The following STX2 variants were observed in gnomAD, a reference collection of about 807,000 sequenced individuals.
The protein encoded by STX2 is syntaxin-2.
A neutral mutation model predicts 40.6 loss-of-function variants in STX2; 27 were observed. The ratio of observed to expected loss-of-function variants is 0.66; its 90% CI spans 0.49 to 0.92. The LOEUF (loss-of-function observed/expected upper bound fraction) is 0.92, where lower values mean the gene tolerates loss of function less well. STX2 is among the 40% of genes least tolerant of loss of function. The pLI, the probability that STX2 is intolerant of heterozygous loss-of-function variation, is 0.00. For missense variants in STX2, 328 were observed against 366.1 expected (o/e 0.90, Z 0.85); for synonymous variants, 123 against 119.1 (o/e 1.03, Z -0.22).
intron 3 of STX2, among the ~76,000 whole-genome samples, chr12:130,819,431 AAGACTGACCAAGGAAGCGGCTGG>A (rs1447661427): frequency 6.6e-6 from 1 of 151,568 alleles, no homozygotes; most frequent in Non-Finnish European, 1.5e-5. Flanking sequence ...TTGCTTTTTA[AAGACTGACCAAGGAAGCGGCTGG>A]AGGCTGCTGC....
intron 1 of STX2, 83 bp downstream of exon 1, chr12:130,838,987 C>A: frequency 8.7e-7 from 1 of 1,155,458 alleles, no homozygotes; most frequent in African/African-American, 1.6e-5. Flanking sequence ...CCCGGAGCCC[C>A]GCCCAAGACG....
chr12:130,820,907 C>T (rs1188268669), intron 3 of STX2, among the ~76,000 whole-genome samples: 1 of 152,146 alleles, frequency 6.6e-6, no homozygotes, highest in East Asian at 1.9e-4. Flanking sequence ...GTGTGGACTC[C>T]TATTTGTAAT....
intron 9 of STX2, among the ~76,000 whole-genome samples, chr12:130,797,762 C>T (rs1453105583): frequency 6.6e-6 from 1 of 152,198 alleles, no homozygotes; most frequent in Non-Finnish European, 1.5e-5. Flanking sequence ...ACACAGGGTT[C>T]CCTGAACCCT....
chr12:130,838,056 G>A, intron 1 of STX2, among the ~76,000 whole-genome samples: 1 of 151,934 alleles, frequency 6.6e-6, no homozygotes, highest in South Asian at 2.1e-4. Flanking sequence ...AGCAGCAGAG[G>A]AGAGAGAATA....
At chr12:130,819,837 G>C (rs1412207641) in intron 3 of STX2, among the ~76,000 whole-genome samples, 2 of 151,898 alleles carry the variant, frequency 1.3e-5, no homozygotes, top group African/African-American at 4.9e-5. Context: ...GCGACGGCAC[G>C]AAGAGGTCCC....
intron 10 of STX2, among the ~76,000 whole-genome samples, chr12:130,795,596 C>T (rs1951003611): frequency 6.6e-6 from 1 of 152,004 alleles, no homozygotes. Context: ...AAAAATTAGC[C>T]GAGTGTGCTG....
chr12:130,825,364 C>CAACACT (rs1480459433), intron 2 of STX2, among the ~76,000 whole-genome samples: 1 of 152,174 alleles, frequency 6.6e-6, no homozygotes, highest in Non-Finnish European at 1.5e-5. Flanking sequence ...CTATTAAATG[C>CAACACT]AACACTTAAT....
At chr12:130,819,631 C>A (rs899281091) in intron 3 of STX2, among the ~76,000 whole-genome samples, 10 of 150,792 alleles carry the variant, frequency 6.6e-5, no homozygotes, top group Non-Finnish European at 1.3e-4. Flanking sequence ...GTAAATTATT[C>A]AAAAAAAAAT....
At chr12:130,827,780 C>T (rs548898896) in intron 1 of STX2, among the ~76,000 whole-genome samples, 2 of 152,158 alleles carry the variant, frequency 1.3e-5, no homozygotes, top group Admixed American at 1.3e-4. Flanking sequence ...GTGGCCCATG[C>T]CTGTGGTCCC....
At position 130,839,128 on chromosome 12, in the gene STX2, G is replaced by A. The variant is rs1232753224; in HGVS notation, c.-29C>T. ...CGCCGGCCGGGCAGCGCGCCCCGCC[G>A]CTCAAGCCTGTCCCGAGCTGCCTCC... On this transcript the variant is annotated 5_prime_UTR_variant, in exon 1 of 11. Coordinates refer to ENST00000392373, the MANE Select transcript of STX2 (RefSeq NM_194356.4). 5 of 1,239,820 alleles carry A rather than the reference G, an allele frequency of 4.0e-6. No individual in the cohort carries two copies. The highest frequency in any genetic ancestry group is 2.8e-5 in the South Asian group (1 of 36,360). The allele number at this position is 1,239,820 out of a possible 1,614,324, so 76.8% of individuals were successfully genotyped here.
chr12:130,812,856 T>G (rs1951712346), intron 4 of STX2, 101 bp downstream of exon 4: 2 of 819,310 alleles, frequency 2.4e-6, no homozygotes, highest in Non-Finnish European at 3.9e-6. Flanking sequence ...AGTCACTATT[T>G]TAATTTTTAA....
chr12:130,837,472 C>G (rs573963259), intron 1 of STX2, among the ~76,000 whole-genome samples: 2 of 152,140 alleles, frequency 1.3e-5, no homozygotes, highest in Non-Finnish European at 2.9e-5. Context: ...TTAGTAGAAA[C>G]GGGGTTTTGC....
At chr12:130,811,140 T>C (rs1343055714) in intron 4 of STX2, among the ~76,000 whole-genome samples, 5 of 151,986 alleles carry the variant, frequency 3.3e-5, no homozygotes, top group Non-Finnish European at 5.9e-5. Context: ...GGCGGATCAT[T>C]TGAGGTCAGG....
Position 130,812,953 on chromosome 12 carries a change from T to C in STX2, c.280+4A>G, listed in dbSNP as rs1219172810. 1.3e-6 allele frequency: 2 copies of C among 1,549,198 alleles called. No individual in the cohort carries two copies. Among genetic ancestry groups the C allele is most frequent in the East Asian group, 4.6e-5 (2 of 43,046 alleles). On this transcript the variant is annotated splice_donor_region_variant and intron_variant, in intron 4 of 10. Transcript: ENST00000392373. ...AATAATTAAACATAAAACTTCAAAC[T>C]TACCCTTTAACTTGGCTCGAATTTT... is the stretch of plus-strand genomic sequence containing the variant.
chr12:130,816,667 C>A (rs182083882), intron 3 of STX2, among the ~76,000 whole-genome samples: 1 of 151,620 alleles, frequency 6.6e-6, no homozygotes, highest in Admixed American at 6.6e-5. Flanking sequence ...TAACAAGGTG[C>A]GAAAATAAAT....
intron 1 of STX2, among the ~76,000 whole-genome samples, chr12:130,831,889 G>A (rs933523827): frequency 1.9e-4 from 16 of 85,106 alleles, no homozygotes; most frequent in African/African-American, 6.4e-4. Flanking sequence ...TTTTTTTTTG[G>A]AATCAGGGTC....
chr12:130,819,508 A>G (rs1261811823), intron 3 of STX2, among the ~76,000 whole-genome samples: 1 of 152,240 alleles, frequency 6.6e-6, no homozygotes, highest in Non-Finnish European at 1.5e-5. Flanking sequence ...AACACAAAAA[A>G]GCAATGGTTT....
chr12:130,793,144 A>G (rs1372509073), intron 10 of STX2, among the ~76,000 whole-genome samples: 4 of 152,174 alleles, frequency 2.6e-5, no homozygotes, highest in Admixed American at 6.5e-5. Flanking sequence ...TCAGTTATAC[A>G]GGGTTATCAA....
chr12:130,808,350 T>TC (rs1951520339), intron 5 of STX2, among the ~76,000 whole-genome samples: 1 of 152,068 alleles, frequency 6.6e-6, no homozygotes, highest in Non-Finnish European at 1.5e-5. Context: ...GCCCGCTCTT[T>TC]CCCCTTTAAA....
Sources: allele counts gnomAD v4.1 joint callset (sites outside exome capture counted in the v4.1 genomes callset), GRCh38; gene constraint gnomAD v4.1.1; transcripts MANE v1.5; gene names NCBI Gene and HGNC (gene_info 2026-07-23, HGNC 2026-07-21).